Variants in WASF3 observed in about 807,000 individuals in gnomAD.
WASF3 encodes actin-binding protein WASF3.
A neutral mutation model predicts 46.6 loss-of-function variants in WASF3; 11 were observed. That is an observed-to-expected ratio of 0.24 (90% CI 0.15 to 0.39). The LOEUF (loss-of-function observed/expected upper bound fraction) is 0.39, where lower values mean the gene tolerates loss of function less well. Ranked by LOEUF, WASF3 falls within the 10% of genes least tolerant of loss-of-function variation. The pLI is 1.00. For missense variants in WASF3, 576 were observed against 669.8 expected, an observed-to-expected ratio of 0.86 and a Z score of 1.55; for synonymous variants, 242 against 259.7, an observed-to-expected ratio of 0.93 and a Z score of 0.65.
At chr13:26,578,512 C>T (rs9553864) in intron 1 of WASF3, among the ~76,000 whole-genome samples, 53,855 of 152,006 alleles carry the variant, frequency 0.35, 9,863 homozygotes, top group East Asian at 0.58. Flanking sequence ...CATGAGCTGC[C>T]GATCACAGTA....
intron 1 of WASF3, among the ~76,000 whole-genome samples, chr13:26,569,823 A>G (rs1248829998): frequency 1.3e-5 from 2 of 152,156 alleles, no homozygotes; most frequent in Non-Finnish European, 2.9e-5. Context: ...ATTAAAATAA[A>G]AGACGGAAGG....
At chr13:26,684,274 CTT>C (rs1268119748) in intron 9 of WASF3, among the ~76,000 whole-genome samples, 4 of 143,904 alleles carry the variant, frequency 2.8e-5, no homozygotes, top group Non-Finnish European at 3.1e-5. Context: ...TTGGATTTGC[CTT>C]TTTTTTTTTT....
chr13:26,660,378 A>T (rs1349010034), intron 3 of WASF3, among the ~76,000 whole-genome samples: 2 of 152,048 alleles, frequency 1.3e-5, no homozygotes. Context: ...CTTGGCAGGC[A>T]GGCTTGGCCT....
Position 26,621,657 on chromosome 13 carries a change from A to G in WASF3, c.-11+8599A>G, listed in dbSNP as rs538378869. On this transcript the variant is annotated intron_variant, in intron 2 of 9. Transcript: ENST00000335327. ...AGAGCAAAGTGTGAACATTTGTCCC[A>G]GTGAAATGAGGTTGATTGAATTTTA... Among the ~76,000 whole-genome samples, 18 of 152,298 alleles carry G rather than the reference A, an allele frequency of 1.2e-4. No individual in the cohort carries two copies. The South Asian group carries it at 3.7e-3, about 32-fold the overall frequency.
At chr13:26,625,198 A>C (rs751753921) in intron 2 of WASF3, among the ~76,000 whole-genome samples, 2 of 152,194 alleles carry the variant, frequency 1.3e-5, no homozygotes, top group Non-Finnish European at 2.9e-5. Context: ...CAAAGCATGG[A>C]AGAAGAAAAT....
rs1566075194 is a variant in WASF3 at position 26,682,656 on chromosome 13, C to T, written c.1033C>T (p.Pro345Ser). 1.2e-6 allele frequency: 2 copies of T among 1,614,162 alleles called. No homozygotes were observed. The highest frequency in any genetic ancestry group is 1.7e-6 in the Non-Finnish European group (2 of 1,180,008). Residue 345 changes from proline (P) to serine (S), a missense_variant, in exon 9 of 10, where the codon CCT becomes TCT. This residue lies in a region of WASF3 where 295 missense variants were observed against 291.5 expected (regional missense o/e 1.01). Transcript: ENST00000335327. This position sits in a 1 kb window ranked among gnomAD's most constrained non-coding sequence, Gnocchi z 4.4. ...IEYYNPSGPPPPPPPPVIPSA... is the reference protein window; with the variant it reads ...IEYYNPSGPPSPPPPPVIPSA... ...GTATTACAACCCATCCGGACCACCT[C>T]CTCCGCCACCTCCTCCTGTGATTCC... is the stretch of plus-strand genomic sequence containing the variant.
intron 3 of WASF3, among the ~76,000 whole-genome samples, chr13:26,644,222 C>G (rs1213224825): frequency 6.6e-6 from 1 of 152,134 alleles, no homozygotes; most frequent in South Asian, 2.1e-4. Flanking sequence ...CTCCTGAAGT[C>G]CCCAGAAAGA....
chr13:26,644,758 T>A lies in WASF3; in HGVS notation c.133+2355T>A, dbSNP rs183207089. On this transcript the variant is annotated intron_variant, in intron 3 of 9. Coordinates refer to ENST00000335327, the MANE Select transcript of WASF3 (RefSeq NM_006646.6). ...CGTAATGACCACCGGTTAGGCAGAG[T>A]TGTGGAGGGGGCTGAACCCGGGAGG... Among the ~76,000 whole-genome samples the A allele has an allele frequency of 2.1e-3, 325 of 151,896 alleles. 2 individuals carry two copies. The highest frequency in any genetic ancestry group is 2.7e-3 in the Non-Finnish European group (183 of 67,940).
chr13:26,577,229 A>AG, intron 1 of WASF3: 1 of 735,402 alleles, frequency 1.4e-6, no homozygotes, highest in Non-Finnish European at 2.5e-6. Context: ...TGGTCAAAAA[A>AG]TGGCAGACAG....
intron 3 of WASF3, among the ~76,000 whole-genome samples, chr13:26,657,242 A>G (rs1212313144): frequency 6.6e-6 from 1 of 152,244 alleles, no homozygotes; most frequent in African/African-American, 2.4e-5. Flanking sequence ...CCTAAAGATG[A>G]TACACGGGGT....
Position 26,577,201 on chromosome 13 carries a change from G to T in WASF3, c.-109+19382G>T. The T allele has an allele frequency of 5.4e-6, 4 of 740,658 alleles. No homozygotes were observed. In the Admixed American group the frequency reaches 7.2e-5, roughly 13 times the overall value. The allele number at this position is 740,658 out of a possible 1,614,324, so 45.9% of individuals were successfully genotyped here. A position where few individuals can be genotyped will look rare whatever the true frequency, so the allele number is the denominator to read the frequency against. On this transcript the variant is annotated intron_variant, in intron 1 of 9. Transcript: ENST00000335327. The stretch of plus-strand genomic sequence containing the variant: ...AACTTCCTTGGCATGGATCTTACCT[G>T]TGACAAAATGTGTTCCATGGTCAAA...
chr13:26,543,634 G>C, the WASF3 span, among the ~76,000 whole-genome samples: 1 of 152,118 alleles, frequency 6.6e-6, no homozygotes, highest in Non-Finnish European at 1.5e-5. Context: ...TCTGGTGCCT[G>C]GTGCCCTTAT....
At chr13:26,636,048 G>A (rs1271247007) in intron 2 of WASF3, among the ~76,000 whole-genome samples, 3 of 152,258 alleles carry the variant, frequency 2.0e-5, no homozygotes, top group Non-Finnish European at 2.9e-5. Flanking sequence ...CTTCAGAGCT[G>A]TTAGACAGGG....
intron 3 of WASF3, among the ~76,000 whole-genome samples, chr13:26,642,867 C>T (rs1203743333): frequency 6.6e-6 from 1 of 152,060 alleles, no homozygotes; most frequent in East Asian, 1.9e-4. Context: ...CCAAATGAAC[C>T]ATAGTATAAA....
chr13:26,662,351 T>C (rs1047717457), intron 3 of WASF3, among the ~76,000 whole-genome samples: 2 of 152,206 alleles, frequency 1.3e-5, no homozygotes, highest in African/African-American at 2.4e-5. Context: ...ACACATGCAC[T>C]TGTATGTTCA....
At chr13:26,577,687 C>T (rs1879842431) in intron 1 of WASF3, 3 of 995,300 alleles carry the variant, frequency 3.0e-6, no homozygotes, top group Non-Finnish European at 4.6e-6. Flanking sequence ...AAAGTTCAGA[C>T]TTATAATAAT....
chr13:26,591,833 C>T (rs1394057289), intron 1 of WASF3, among the ~76,000 whole-genome samples: 1 of 152,064 alleles, frequency 6.6e-6, no homozygotes, highest in Non-Finnish European at 1.5e-5. Context: ...GTTGTAGGTT[C>T]TTGAGGTCGG....
chr13:26,596,608 A>G (rs1880472178), intron 1 of WASF3, among the ~76,000 whole-genome samples: 1 of 152,058 alleles, frequency 6.6e-6, no homozygotes, highest in African/African-American at 2.4e-5. Flanking sequence ...TGATGTGCCT[A>G]GGTGTGATTT....
intron 2 of WASF3, among the ~76,000 whole-genome samples, chr13:26,625,172 A>G (rs1881426577): frequency 6.6e-6 from 1 of 152,242 alleles, no homozygotes; most frequent in Non-Finnish European, 1.5e-5. Context: ...GAGGTAAAAT[A>G]TATGACAACA....
Sources: gnomAD v4.1 joint callset for allele counts (sites outside exome capture counted in the v4.1 genomes callset) on GRCh38, gnomAD v4.1.1 for gene constraint, gnomAD v4.1.1 regional missense constraint, Gnocchi (gnomAD v3.1) non-coding constraint, MANE v1.5 for transcripts, NCBI Gene and HGNC (gene_info 2026-07-23, HGNC 2026-07-21) for gene names.